Variants in COL4A2 observed in about 807,000 individuals in gnomAD.
The protein encoded by COL4A2 is collagen alpha-2(IV) chain.
A neutral mutation model predicts 200.2 loss-of-function variants in COL4A2; 99 were observed. The observed-to-expected ratio is 0.49, with a 90% CI of 0.42 to 0.58. COL4A2 has a LOEUF of 0.58. Ranked by LOEUF, COL4A2 falls within the 20% of genes least tolerant of loss-of-function variation. The pLI, the probability that COL4A2 is intolerant of heterozygous loss-of-function variation, is 0.00. For missense variants in COL4A2, 1,950 were observed against 2,314.1 expected (o/e 0.84, Z 3.23); for synonymous variants, 897 against 900.6 (o/e 1.00, Z 0.07).
chr13:110,487,410 G>A (rs574954091), intron 34 of COL4A2, among the ~76,000 whole-genome samples: 104 of 152,298 alleles, frequency 6.8e-4, no homozygotes, highest in Middle Eastern at 3.4e-3. Context: ...CCGAGATTGC[G>A]CCGTTGCACT....
At chr13:110,416,323 G>A (rs890123625) in intron 4 of COL4A2, among the ~76,000 whole-genome samples, 1 of 152,254 alleles carries the variant, frequency 6.6e-6, no homozygotes, top group Non-Finnish European at 1.5e-5. Context: ...TTCCTCAGGT[G>A]CAGTCTGGGC....
At chr13:110,448,591 C>CA (rs1317671919) in intron 18 of COL4A2, among the ~76,000 whole-genome samples, 2 of 152,006 alleles carry the variant, frequency 1.3e-5, no homozygotes, top group African/African-American at 4.8e-5. Flanking sequence ...TGTCAAAAGA[C>CA]AAAAAGGATA....
At chr13:110,338,362 A>G (rs1247104926) in intron 3 of COL4A2, among the ~76,000 whole-genome samples, 1 of 149,456 alleles carries the variant, frequency 6.7e-6, no homozygotes, top group African/African-American at 2.5e-5. Flanking sequence ...GAGAGAGAGG[A>G]GAGAGGCACA....
At position 110,503,969 on chromosome 13, in the gene COL4A2, C is replaced by G; in HGVS notation, c.4261C>G (p.Pro1421Ala). Residue 1421 changes from proline to alanine, a missense_variant, in exon 44 of 48, where the codon CCC becomes GCC. By Grantham distance (27) the Pro-to-Ala change is conservative. Coordinates refer to ENST00000360467, the MANE Select transcript of COL4A2 (RefSeq NM_001846.4). The stretch of plus-strand genomic sequence containing the variant: ...CCCTGGGGCACCGGGGGAGATGGGG[C>G]CCCAGGGCCCCCCCGGAGAACCAGG... ...GPPGAPGEMGPQGPPGEPGFR... is the reference protein window; with the variant it reads ...GPPGAPGEMGAQGPPGEPGFR... The G allele has an allele frequency of 5.1e-6, 8 of 1,560,574 alleles. No individual in the cohort carries two copies. Among genetic ancestry groups the G allele is most frequent in the Middle Eastern group, 3.7e-4 (2 of 5,418 alleles).
chr13:110,309,886 G>A lies in COL4A2; in HGVS notation c.99+1763G>A, dbSNP rs79190091. 1.1e-4 allele frequency among the ~76,000 whole-genome samples: 16 copies of A among 152,304 alleles called. No homozygotes were observed. The East Asian group carries it at 3.1e-3, about 29-fold the overall frequency. ...CTTGCCTGTAATTCCAGCTACTCAG[G>A]AGGCTGAGGCACAAGAATTGCTTGA... On this transcript the variant is annotated intron_variant, in intron 3 of 47. Transcript: ENST00000360467.
rs75688373 is a variant in COL4A2 at position 110,432,895 on chromosome 13, A to G, written c.684+535A>G. ...GTTATTAAGTTGATTGGAACACAGCAAAGTAGGTGGTTTGTTAGAAACTCG... is the reference window on the plus strand; with the variant it reads ...GTTATTAAGTTGATTGGAACACAGCGAAGTAGGTGGTTTGTTAGAAACTCG... On this transcript the variant is annotated intron_variant, in intron 11 of 47. Transcript: ENST00000360467. Among the ~76,000 whole-genome samples, 292 of 152,356 alleles carry G rather than the reference A, an allele frequency of 1.9e-3. 1 individual carries two copies. Among genetic ancestry groups the G allele is most frequent in the African/African-American group, 6.9e-3 (286 of 41,580 alleles).
intron 4 of COL4A2, among the ~76,000 whole-genome samples, chr13:110,411,268 A>T (rs1159733576): frequency 6.6e-6 from 1 of 152,234 alleles, no homozygotes; most frequent in Non-Finnish European, 1.5e-5. Context: ...ATATGCTTAA[A>T]CAGCCAACCT....
chr13:110,416,563 T>G (rs771519244), intron 4 of COL4A2, among the ~76,000 whole-genome samples: 8 of 152,224 alleles, frequency 5.3e-5, no homozygotes, highest in African/African-American at 9.6e-5. Flanking sequence ...TAAAAGCCAT[T>G]GAGCACAACC....
intron 18 of COL4A2, among the ~76,000 whole-genome samples, chr13:110,448,943 C>T (rs1881429863): frequency 1.3e-5 from 2 of 152,206 alleles, no homozygotes; most frequent in Admixed American, 6.5e-5. Flanking sequence ...CCTCTGGCTG[C>T]GGAGCGCAGC....
chr13:110,428,810 C>T (rs1427614900), intron 7 of COL4A2, among the ~76,000 whole-genome samples: 1 of 152,210 alleles, frequency 6.6e-6, no homozygotes, highest in African/African-American at 2.4e-5. Context: ...CTCTCAGTCT[C>T]CCAAGTGTCA....
chr13:110,490,219 T>G (rs1007533501), intron 36 of COL4A2, among the ~76,000 whole-genome samples: 19 of 152,374 alleles, frequency 1.2e-4, no homozygotes, highest in African/African-American at 1.7e-4. Context: ...TGGAGGCAGC[T>G]GACCAGCCCG....
At chr13:110,330,271 C>T (rs899925582) in intron 3 of COL4A2, among the ~76,000 whole-genome samples, 4 of 152,080 alleles carry the variant, frequency 2.6e-5, no homozygotes, top group African/African-American at 4.8e-5. Context: ...AGACAACTGA[C>T]GTGTCAGCGA....
chr13:110,394,300 C>T (rs925424353), intron 4 of COL4A2, among the ~76,000 whole-genome samples: 3 of 152,130 alleles, frequency 2.0e-5, no homozygotes, highest in African/African-American at 4.8e-5. Context: ...CTATTTTCCC[C>T]CTTTAACATG....
intron 4 of COL4A2, among the ~76,000 whole-genome samples, chr13:110,409,101 CAT>C (rs71127937): frequency 0.015 from 1,420 of 95,766 alleles, 32 homozygotes; most frequent in Non-Finnish European, 0.021. Flanking sequence ...CACACGGACA[CAT>C]ACACATAACA....
chr13:110,484,353 G>A (rs1305589058), intron 32 of COL4A2, among the ~76,000 whole-genome samples: 2 of 152,100 alleles, frequency 1.3e-5, no homozygotes, highest in African/African-American at 4.8e-5. Flanking sequence ...AGTGAGCATG[G>A]ATTCCGGGGC....
intron 3 of COL4A2, among the ~76,000 whole-genome samples, chr13:110,313,214 T>C (rs1035246346): frequency 6.6e-5 from 10 of 152,178 alleles, no homozygotes; most frequent in African/African-American, 2.4e-4. Flanking sequence ...CTCTTGCTGT[T>C]TCCCTCTGGT....
rs1362419734 is a variant in COL4A2, at chr13:110,430,974, G to A, written c.648+367G>A. ...ATAAGGAGGAAATGGAGGTCTGCCT[G>A]TGCCACACCCATGCTAGCAGGCATA... is the stretch of plus-strand genomic sequence containing the variant. On this transcript the variant is annotated intron_variant, in intron 10 of 47. Coordinates refer to ENST00000360467, the MANE Select transcript of COL4A2 (RefSeq NM_001846.4). The A allele has an allele frequency of 6.7e-6, 3 of 450,956 alleles. No homozygotes were observed. In the East Asian group the frequency reaches 1.9e-4, roughly 29 times the overall value. The allele number at this position is 450,956 out of a possible 1,614,324, so 27.9% of individuals were successfully genotyped here. A position where few individuals can be genotyped will look rare whatever the true frequency, so the allele number is the denominator to read the frequency against.
intron 32 of COL4A2, among the ~76,000 whole-genome samples, chr13:110,483,692 T>C (rs1883013353): frequency 7.6e-6 from 1 of 131,840 alleles, no homozygotes; most frequent in Admixed American, 7.0e-5. Context: ...GGATTCGCAG[T>C]TTCCTACACT....
chr13:110,310,380 C>G (rs1200755151), intron 3 of COL4A2, among the ~76,000 whole-genome samples: 2 of 152,234 alleles, frequency 1.3e-5, no homozygotes, highest in East Asian at 3.9e-4. Flanking sequence ...AATCTGGGAA[C>G]CACTGAGCTA....
Sources: gnomAD v4.1 joint callset for allele counts (sites outside exome capture counted in the v4.1 genomes callset) on GRCh38, gnomAD v4.1.1 for gene constraint, MANE v1.5 for transcripts, NCBI Gene and HGNC (gene_info 2026-07-23, HGNC 2026-07-21) for gene names.